The following ITGAE variants were observed in gnomAD, a reference collection of about 807,000 sequenced individuals.
ITGAE encodes integrin subunit alpha E.
In ITGAE, 99 loss-of-function variants were observed where a neutral mutation model predicts 136.5. The ratio of observed to expected loss-of-function variants is 0.73; its 90% confidence interval spans 0.62 to 0.86. The LOEUF is 0.86. Among genes scored for constraint, ITGAE ranks in the 40% least tolerant of loss-of-function variants. ITGAE has a pLI of 0.00. For missense variants in ITGAE, 1,447 were observed against 1,515.3 expected, an observed-to-expected ratio of 0.95 and a Z score of 0.75; for synonymous variants, 613 against 591.8, an observed-to-expected ratio of 1.04 and a Z score of -0.52.
intron 1 of ITGAE, among the ~76,000 whole-genome samples, chr17:3,781,051 G>A (rs1190729287): frequency 6.6e-6 from 1 of 152,160 alleles, no homozygotes; most frequent in African/African-American, 2.4e-5. Context: ...CTTTTTGTAA[G>A]TTTGTTTACT....
chr17:3,742,866 G>A (rs1040563392), intron 19 of ITGAE, among the ~76,000 whole-genome samples: 2 of 152,168 alleles, frequency 1.3e-5, no homozygotes, highest in African/African-American at 4.8e-5. Context: ...TGGCCAGGCT[G>A]GTATCGAACT....
At chr17:3,747,834 C>A in intron 17 of ITGAE, 88 bp downstream of exon 17, 3 of 268,160 alleles carry the variant, frequency 1.1e-5, no homozygotes, top group South Asian at 4.8e-5. Context: ...ACCCACCCCC[C>A]GCCCCAGTCC....
intron 12 of ITGAE, 141 bp downstream of exon 12, chr17:3,754,975 CA>C: frequency 9.4e-7 from 1 of 1,059,112 alleles, no homozygotes; most frequent in South Asian, 1.7e-5. Flanking sequence ...CGCCCTCACC[CA>C]GGTAGCCCCC....
chr17:3,783,764 TAAGG>T (rs1273829491), intron 1 of ITGAE, among the ~76,000 whole-genome samples: 9 of 152,312 alleles, frequency 5.9e-5, no homozygotes, highest in Admixed American at 2.0e-4. Flanking sequence ...AGCTTCTGTA[TAAGG>T]AAGGGAAGGA....
In ITGAE at chr17:3,782,285, A is replaced by C. The variant is rs1328534614; in HGVS notation, c.35-4625T>G. ...GTGAGACTCGGCCTCAAAAAAAAAA[A>C]AAAAAAAAAAAAAAAAGCATGGTCT... On this transcript the variant is annotated intron_variant, in intron 1 of 30. Coordinates refer to ENST00000263087, the MANE Select transcript of ITGAE (RefSeq NM_002208.5). Among the ~76,000 whole-genome samples, 89 of 148,400 alleles carry C rather than the reference A, an allele frequency of 6.0e-4. 1 individual carries two copies. Among genetic ancestry groups the C allele is most frequent in the African/African-American group, 2.1e-3 (84 of 40,796 alleles).
chr17:3,732,884 C>T (rs2051376844), intron 21 of ITGAE, among the ~76,000 whole-genome samples: 1 of 152,192 alleles, frequency 6.6e-6, no homozygotes, highest in South Asian at 2.1e-4. Context: ...CCCACCTGGA[C>T]CCCCGAGGGG....
At chr17:3,785,633 G>A (rs1368937727) in intron 1 of ITGAE, among the ~76,000 whole-genome samples, 1 of 152,050 alleles carries the variant, frequency 6.6e-6, no homozygotes, top group African/African-American at 2.4e-5. Context: ...TAAAATTACA[G>A]TGGAATAGCA....
intron 2 of ITGAE, among the ~76,000 whole-genome samples, chr17:3,765,326 G>C (rs1210661678): frequency 1.6e-5 from 2 of 126,976 alleles, no homozygotes. Context: ...TCCAGCCTGG[G>C]TGACAGAGCG....
intron 1 of ITGAE, among the ~76,000 whole-genome samples, chr17:3,800,256 C>A (rs954356903): frequency 6.6e-6 from 1 of 152,220 alleles, no homozygotes; most frequent in African/African-American, 2.4e-5. Flanking sequence ...AGTCCCCTCC[C>A]AGCACAGCCT....
At chr17:3,785,723 G>C (rs1224759022) in intron 1 of ITGAE, among the ~76,000 whole-genome samples, 1 of 150,376 alleles carries the variant, frequency 6.6e-6, no homozygotes, top group Non-Finnish European at 1.5e-5. Flanking sequence ...TTACAGTAGA[G>C]AAAACTAATG....
intron 24 of ITGAE, 140 bp downstream of exon 24, chr17:3,729,338 G>T (rs2051289195): frequency 4.4e-6 from 3 of 688,844 alleles, no homozygotes; most frequent in South Asian, 3.1e-5. Flanking sequence ...CAATATCAGA[G>T]CCTGGGTTCT....
chr17:3,761,676 T>C (rs2052173729), intron 4 of ITGAE, among the ~76,000 whole-genome samples, 156 bp from the exon 5 acceptor site: 1 of 152,172 alleles, frequency 6.6e-6, no homozygotes, highest in Non-Finnish European at 1.5e-5. Flanking sequence ...GGAGTCAGTG[T>C]TGGCATCAAG....
At chr17:3,732,089 C>CAAACAAAA (rs745762778) in intron 22 of ITGAE, among the ~76,000 whole-genome samples, 4 of 151,072 alleles carry the variant, frequency 2.6e-5, no homozygotes, top group South Asian at 2.1e-4. Context: ...AACAAACAAA[C>CAAACAAAA]AAAAAAACTT....
intron 2 of ITGAE, among the ~76,000 whole-genome samples, chr17:3,773,704 C>T (rs7217388): frequency 0.13 from 20,453 of 151,984 alleles, 1,736 homozygotes; most frequent in African/African-American, 0.24. Context: ...CATTGAATCA[C>T]TGGCCGCTGG....
At chr17:3,781,948 C>A (rs2052675445) in intron 1 of ITGAE, among the ~76,000 whole-genome samples, 1 of 151,884 alleles carries the variant, frequency 6.6e-6, no homozygotes, top group South Asian at 2.1e-4. Context: ...CTGGATACAT[C>A]CTCTCCACAT....
Position 3,750,560 on chromosome 17 carries a change from C to T in ITGAE, c.1894-78G>A, listed in dbSNP as rs578003406. On this transcript the variant is annotated intron_variant, in intron 15 of 30. Transcript: ENST00000263087. ...CGGGGAGTCCTTTCATGATCTATCC[C>T]GATCAGCATCGCAGGCACCATCCAG... is the stretch of plus-strand genomic sequence containing the variant. 2.0e-5 allele frequency: 31 copies of T among 1,537,034 alleles called. No individual in the cohort carries two copies. The East Asian group carries it at 2.3e-4, about 11-fold the overall frequency.
chr17:3,764,761 AGCCTCAAGAGCTGC>A (rs1168719317), intron 2 of ITGAE, among the ~76,000 whole-genome samples: 3 of 152,198 alleles, frequency 2.0e-5, no homozygotes, highest in Non-Finnish European at 4.4e-5. Context: ...TGATTAAGGC[AGCCTCAAGAGCTGC>A]GCCTCCTGAC....
At chr17:3,731,638 G>A (rs1464351884) in intron 22 of ITGAE, among the ~76,000 whole-genome samples, 2 of 151,402 alleles carry the variant, frequency 1.3e-5, no homozygotes, top group Non-Finnish European at 1.5e-5. Flanking sequence ...CACCGCGCCT[G>A]GCCCCGTTAT....
At chr17:3,763,503 T>C (rs2143134834) in intron 3 of ITGAE, among the ~76,000 whole-genome samples, 1 of 152,128 alleles carries the variant, frequency 6.6e-6, no homozygotes, top group East Asian at 1.9e-4. Flanking sequence ...AGTGTGAACT[T>C]TGTCATACTG....
Sources: allele counts gnomAD v4.1 joint callset (sites outside exome capture counted in the v4.1 genomes callset), GRCh38; gene constraint gnomAD v4.1.1; transcripts MANE v1.5; gene names NCBI Gene and HGNC (gene_info 2026-07-23, HGNC 2026-07-21).